ARID1A: variants seen among roughly 807,000 people sequenced by gnomAD.
The protein encoded by ARID1A is AT-rich interaction domain 1A, also known as AT-rich interactive domain-containing protein 1A.
ARID1A carries 20 observed loss-of-function variants against 212.6 expected under a neutral mutation model. The ratio of observed to expected loss-of-function variants is 0.09; its 90% CI spans 0.07 to 0.14. The LOEUF (loss-of-function observed/expected upper bound fraction) is 0.14. Ranked by LOEUF, ARID1A falls within the 10% of genes least tolerant of loss-of-function variation. The pLI, the probability that ARID1A is intolerant of heterozygous loss-of-function variation, is 1.00. For missense variants in ARID1A, 2,587 were observed against 3,059.0 expected, an observed-to-expected ratio of 0.85 and a Z score of 3.64; for synonymous variants, 1,376 against 1,222.1, an observed-to-expected ratio of 1.13 and a Z score of -2.63.
intron 19 of ARID1A, among the ~76,000 whole-genome samples, chr1:26,777,714 T>G (rs1217494370): frequency 6.6e-6 from 1 of 151,354 alleles, no homozygotes; most frequent in East Asian, 2.0e-4. Flanking sequence ...AGGAGGATCA[T>G]TTGAGGTCAG....
At chr1:26,748,891 G>A (rs1413612039) in intron 4 of ARID1A, among the ~76,000 whole-genome samples, 3 of 151,884 alleles carry the variant, frequency 2.0e-5, no homozygotes, top group Admixed American at 6.6e-5. Flanking sequence ...TCGGCCAGGC[G>A]CAGTGGCTCA....
intron 11 of ARID1A, 147 bp downstream of exon 11, chr1:26,768,146 C>A: frequency 3.3e-6 from 3 of 913,790 alleles, no homozygotes; most frequent in Non-Finnish European, 4.8e-6. Flanking sequence ...GACCGGGGAG[C>A]ACAGGTTTCC....
chr1:26,757,661 T>C (rs2080954247), intron 4 of ARID1A, among the ~76,000 whole-genome samples: 1 of 151,966 alleles, frequency 6.6e-6, no homozygotes, highest in Non-Finnish European at 1.5e-5. Context: ...AAGACAAAAA[T>C]AATCAAAACT....
chr1:26,743,723 T>G (rs2080809618), intron 4 of ARID1A, among the ~76,000 whole-genome samples: 1 of 148,504 alleles, frequency 6.7e-6, no homozygotes, highest in Admixed American at 6.8e-5. Flanking sequence ...TCCCAGCTAC[T>G]CGGGAGGCTG....
chr1:26,696,981 A>G lies in ARID1A; in HGVS notation c.578A>G (p.Glu193Gly), dbSNP rs979538635. Reference sequence around the variant, plus strand: ...CAGAGCGGCGGCGGCGGGGGCCTGGAGCCCTACGCGGGGCCCCAGCAGAAC... The same window carrying G: ...CAGAGCGGCGGCGGCGGGGGCCTGGGGCCCTACGCGGGGCCCCAGCAGAAC... ...ALQSGGGGGL[E>G]PYAGPQQNSH... The change falls in exon 1 of 20, where the codon GAG (glutamate) becomes GGG (glycine). Residue 193 changes from glutamate (E) to glycine (G), a missense_variant. Coordinates refer to ENST00000324856, the MANE Select transcript of ARID1A (RefSeq NM_006015.6). 2 of 1,497,646 alleles carry G rather than the reference A, an allele frequency of 1.3e-6. No homozygotes were observed. Among genetic ancestry groups the G allele is most frequent in the Non-Finnish European group, 1.8e-6 (2 of 1,126,982 alleles). 92.8% of individuals were successfully genotyped at this position (1,497,646 alleles called of 1,614,324 possible). A position where few individuals can be genotyped will look rare whatever the true frequency, so the allele number is the denominator to read the frequency against.
chr1:26,776,085 G>A, intron 19 of ARID1A: 1 of 363,138 alleles, frequency 2.8e-6, no homozygotes, highest in Non-Finnish European at 5.4e-6. Context: ...CTGAGTTCAA[G>A]TGATCCTCCC....
intron 4 of ARID1A, among the ~76,000 whole-genome samples, chr1:26,751,669 C>A (rs759283440): frequency 3.3e-5 from 5 of 152,162 alleles, no homozygotes; most frequent in Non-Finnish European, 7.3e-5. Context: ...GTCACATATT[C>A]ATGTCAATTC....
At chr1:26,732,842 A>G (rs749755426) in intron 4 of ARID1A, 50 bp downstream of exon 4, 1 of 1,450,262 alleles carries the variant, frequency 6.9e-7, no homozygotes, top group Non-Finnish European at 9.6e-7. Context: ...AGAGGAAACC[A>G]ATGCAAACTA....
intron 1 of ARID1A, among the ~76,000 whole-genome samples, chr1:26,703,357 T>A (rs997799540): frequency 6.6e-6 from 1 of 152,206 alleles, no homozygotes; most frequent in African/African-American, 2.4e-5. Flanking sequence ...CTGTCTGTGG[T>A]CCTCTTCTTT....
chr1:26,776,150 A>T (rs190101232), intron 19 of ARID1A, among the ~76,000 whole-genome samples: 33 of 151,982 alleles, frequency 2.2e-4, no homozygotes, highest in Non-Finnish European at 3.7e-4. Flanking sequence ...TCTGTGGTCA[A>T]ATTTTTATCA....
intron 3 of ARID1A, among the ~76,000 whole-genome samples, chr1:26,731,882 A>G (rs1017615697): frequency 6.6e-6 from 1 of 151,908 alleles, no homozygotes; most frequent in Admixed American, 6.6e-5. Flanking sequence ...TGGTTTTTTT[A>G]TTTTATTTTA....
At chr1:26,700,130 G>T (rs761948140) in intron 1 of ARID1A, among the ~76,000 whole-genome samples, 3 of 152,190 alleles carry the variant, frequency 2.0e-5, no homozygotes, top group Non-Finnish European at 4.4e-5. Flanking sequence ...CACTTCTGTG[G>T]ACTGCTTCAG....
At chr1:26,703,275 CAT>C (rs1459611301) in intron 1 of ARID1A, among the ~76,000 whole-genome samples, 2 of 152,128 alleles carry the variant, frequency 1.3e-5, no homozygotes, top group Non-Finnish European at 2.9e-5. Flanking sequence ...GGATTAAAAA[CAT>C]ATCTGGGTTC....
Position 26,772,723 on chromosome 1 carries a change from G to A in ARID1A, c.3540-89G>A, listed in dbSNP as rs962171548. On this transcript the variant is annotated intron_variant, in intron 13 of 19. Transcript: ENST00000324856. ...GCAGCCCAAGGTGGTCCTTGCCTCT[G>A]CCTTCCCAGCCAGTGACTCCTGCGT... The A allele has an allele frequency of 2.5e-6, 4 of 1,606,452 alleles. No homozygotes were observed. In the African/African-American group the frequency reaches 4.0e-5, roughly 16 times the overall value.
intron 4 of ARID1A, among the ~76,000 whole-genome samples, chr1:26,740,006 A>G (rs2080773160): frequency 2.0e-5 from 3 of 148,672 alleles, no homozygotes; most frequent in African/African-American, 7.4e-5. Flanking sequence ...AAAAAAAAAG[A>G]AAAAAAAAAC....
intron 8 of ARID1A, 35 bp from the exon 9 acceptor site, chr1:26,766,186 C>A (rs1472449964): frequency 6.2e-7 from 1 of 1,605,800 alleles, no homozygotes; most frequent in South Asian, 1.1e-5. Flanking sequence ...CAGAGTCTAA[C>A]CTTTGTCTCT....
chr1:26,765,022 C>T (rs528413707), intron 8 of ARID1A: 1 of 151,660 alleles, frequency 6.6e-6, no homozygotes, highest in South Asian at 2.1e-4. Flanking sequence ...CATGGCAAAA[C>T]CCCATCTCTA....
chr1:26,742,293 T>G (rs114754725), intron 4 of ARID1A, among the ~76,000 whole-genome samples: 1 of 152,074 alleles, frequency 6.6e-6, no homozygotes, highest in African/African-American at 2.4e-5. Flanking sequence ...AAAGAGCGAG[T>G]GGTAGGAAAG....
intron 12 of ARID1A, chr1:26,772,170 C>T (rs538333211): frequency 7.0e-6 from 2 of 284,214 alleles, no homozygotes; most frequent in African/African-American, 4.3e-5. Flanking sequence ...ACCAGCATTA[C>T]AGGGTTTAGT....
Sources: allele counts gnomAD v4.1 joint callset (sites outside exome capture counted in the v4.1 genomes callset), GRCh38; gene constraint gnomAD v4.1.1; transcripts MANE v1.5; gene names NCBI Gene and HGNC (gene_info 2026-07-23, HGNC 2026-07-21).